Variants in NALF1 observed in about 807,000 individuals in gnomAD.
NALF1 encodes family with sequence similarity 155 member A.
NALF1 carries 3 observed loss-of-function variants against 48.4 expected under a neutral mutation model. The ratio of observed to expected loss-of-function variants is 0.06; its 90% CI spans 0.03 to 0.16. The LOEUF (loss-of-function observed/expected upper bound fraction) is 0.16. Among genes scored for constraint, NALF1 ranks in the 10% least tolerant of loss-of-function variants. The pLI, the probability that NALF1 is intolerant of heterozygous loss-of-function variation, is 1.00. For synonymous variants in NALF1, 262 were observed against 245.7 expected (o/e 1.07, Z -0.62); for missense variants, 526 against 571.5 (o/e 0.92, Z 0.81).
chr13:107,250,772 G>C (rs1273463364), intron 1 of NALF1, among the ~76,000 whole-genome samples: 3 of 152,124 alleles, frequency 2.0e-5, no homozygotes, highest in Non-Finnish European at 4.4e-5. Context: ...TGTTGGAGGA[G>C]GGGCCTAGTG....
intron 1 of NALF1, among the ~76,000 whole-genome samples, chr13:107,538,489 C>T (rs1033093940): frequency 3.9e-5 from 6 of 152,112 alleles, no homozygotes. Flanking sequence ...TACCTTTCAA[C>T]AAGCCAAGTA....
In NALF1 at chr13:107,536,901, A is replaced by T. The variant is rs901944876; in HGVS notation, c.916-326146T>A. On this transcript the variant is annotated intron_variant, in intron 1 of 2. Coordinates refer to ENST00000375915, the MANE Select transcript of NALF1 (RefSeq NM_001080396.3). ...ACACCATGGAATACTATGCAGCCAT[A>T]AAAAAAGGATGAGTTCATGTCCTTT... Among the ~76,000 whole-genome samples the T allele has an allele frequency of 3.5e-3, 537 of 152,036 alleles. 3 individuals are homozygous for T. Among genetic ancestry groups the T allele is most frequent in the African/African-American group, 0.012 (516 of 41,442 alleles).
At chr13:107,864,128 A>G (rs1479796240) in intron 1 of NALF1, among the ~76,000 whole-genome samples, 2 of 152,240 alleles carry the variant, frequency 1.3e-5, no homozygotes, top group Non-Finnish European at 2.9e-5. Context: ...GTAGTTATTC[A>G]TTATTAATTT....
intron 1 of NALF1, among the ~76,000 whole-genome samples, chr13:107,427,778 C>A (rs564897854): frequency 6.6e-6 from 1 of 152,130 alleles, no homozygotes; most frequent in Non-Finnish European, 1.5e-5. Context: ...AGTAGCCTAA[C>A]AAGAGTTGTT....
At chr13:107,384,054 G>C (rs564572180) in intron 1 of NALF1, among the ~76,000 whole-genome samples, 1 of 152,186 alleles carries the variant, frequency 6.6e-6, no homozygotes, top group East Asian at 1.9e-4. Flanking sequence ...TTCAAGATCA[G>C]CCTGGACAAC....
chr13:107,399,134 G>C lies in NALF1; in HGVS notation c.916-188379C>G, dbSNP rs575911051. ...TAGAAGCTGCAGACTCGGGGAGATG[G>C]CAGACATGAGAGACCAGCATAAAAA... is the stretch of plus-strand genomic sequence containing the variant. On this transcript the variant is annotated intron_variant, in intron 1 of 2. Transcript: ENST00000375915. Among the ~76,000 whole-genome samples, 3 of 152,224 alleles carry C rather than the reference G, an allele frequency of 2.0e-5. No homozygotes were observed. In the East Asian group the frequency reaches 5.8e-4, roughly 29 times the overall value.
intron 1 of NALF1, among the ~76,000 whole-genome samples, chr13:107,450,868 T>A (rs1475622693): frequency 6.6e-6 from 1 of 152,224 alleles, no homozygotes; most frequent in Non-Finnish European, 1.5e-5. Context: ...AATATAGGCT[T>A]TGAATTGGCT....
chr13:107,557,999 G>A (rs1877530717), intron 1 of NALF1, among the ~76,000 whole-genome samples: 1 of 152,184 alleles, frequency 6.6e-6, no homozygotes, highest in Non-Finnish European at 1.5e-5. Context: ...ATACTGGAAA[G>A]GTGTCGGCAT....
Position 107,303,431 on chromosome 13 carries a change from A to C in NALF1, c.916-92676T>G, listed in dbSNP as rs146781561. Reference sequence around the variant, plus strand: ...TCAGCCTAAATTGTATAGGTTAATAAATAAAAACATCAGAATATTTGTGCC... The same window carrying C: ...TCAGCCTAAATTGTATAGGTTAATACATAAAAACATCAGAATATTTGTGCC... On this transcript the variant is annotated intron_variant, in intron 1 of 2. Coordinates refer to ENST00000375915, the MANE Select transcript of NALF1 (RefSeq NM_001080396.3). Among the ~76,000 whole-genome samples, 194 of 152,348 alleles carry C rather than the reference A, an allele frequency of 1.3e-3. 1 individual carries two copies. Among genetic ancestry groups the C allele is most frequent in the African/African-American group, 4.3e-3 (180 of 41,582 alleles).
At chr13:107,534,434 A>G (rs927024841) in intron 1 of NALF1, among the ~76,000 whole-genome samples, 2 of 152,184 alleles carry the variant, frequency 1.3e-5, no homozygotes, top group African/African-American at 4.8e-5. Flanking sequence ...TAAGGACAAA[A>G]GTTAATATGA....
intron 1 of NALF1, among the ~76,000 whole-genome samples, chr13:107,516,741 A>C (rs539180343): frequency 4.6e-5 from 7 of 152,180 alleles, no homozygotes; most frequent in Non-Finnish European, 1.0e-4. Context: ...CACTACAGGG[A>C]AACTCTGAAG....
chr13:107,846,414 T>C (rs1880173011), intron 1 of NALF1, among the ~76,000 whole-genome samples: 1 of 152,162 alleles, frequency 6.6e-6, no homozygotes, highest in African/African-American at 2.4e-5. Context: ...TGGGGAATGT[T>C]CATTAGTCAG....
intron 1 of NALF1, among the ~76,000 whole-genome samples, chr13:107,315,071 T>G (rs1051674686): frequency 2.0e-5 from 3 of 152,098 alleles, no homozygotes; most frequent in African/African-American, 7.2e-5. Flanking sequence ...AGCCCTCACT[T>G]TAAATTAAAT....
At chr13:107,835,134 G>A (rs537868289) in intron 1 of NALF1, among the ~76,000 whole-genome samples, 10 of 152,228 alleles carry the variant, frequency 6.6e-5, no homozygotes, top group African/African-American at 1.2e-4. Context: ...GATGTAGCAC[G>A]ATATTTATTT....
Position 107,595,106 on chromosome 13 carries a change from A to G in NALF1, c.915+270576T>C, listed in dbSNP as rs138129672. Among the ~76,000 whole-genome samples, 380 of 152,240 alleles carry G rather than the reference A, an allele frequency of 2.5e-3. 3 individuals carry two copies. The highest frequency in any genetic ancestry group is 8.3e-3 in the African/African-American group (344 of 41,572). Reference sequence around the variant, plus strand: ...CGTTCAAGGAACATGAACAGACAAGACAGCGACCACGGTCCCAGAGAGGTT... The same window carrying G: ...CGTTCAAGGAACATGAACAGACAAGGCAGCGACCACGGTCCCAGAGAGGTT... On this transcript the variant is annotated intron_variant, in intron 1 of 2. Coordinates refer to ENST00000375915, the MANE Select transcript of NALF1 (RefSeq NM_001080396.3).
chr13:107,429,425 C>T (rs566330464), intron 1 of NALF1, among the ~76,000 whole-genome samples: 3 of 151,432 alleles, frequency 2.0e-5, no homozygotes, highest in East Asian at 2.0e-4. Context: ...AAGCACCAAT[C>T]GCTAAAATAA....
intron 1 of NALF1, among the ~76,000 whole-genome samples, chr13:107,445,975 TG>T (rs1884643324): frequency 6.6e-6 from 1 of 152,174 alleles, no homozygotes; most frequent in Admixed American, 6.5e-5. Context: ...AATCTCGCTT[TG>T]TCGTCAGGCT....
At chr13:107,792,807 T>TTTTG (rs143475544) in intron 1 of NALF1, among the ~76,000 whole-genome samples, 14 of 151,892 alleles carry the variant, frequency 9.2e-5, no homozygotes, top group African/African-American at 2.2e-4. Context: ...TTTTTAATCA[T>TTTTG]TTTGTTTGTT....
chr13:107,422,259 C>T (rs891117643), intron 1 of NALF1, among the ~76,000 whole-genome samples: 5 of 152,226 alleles, frequency 3.3e-5, no homozygotes, highest in East Asian at 3.9e-4. Context: ...AAGATTGATA[C>T]AAAAATATGC....
Sources: gnomAD v4.1 joint callset for allele counts (sites outside exome capture counted in the v4.1 genomes callset) on GRCh38, gnomAD v4.1.1 for gene constraint, MANE v1.5 for transcripts, NCBI Gene and HGNC (gene_info 2026-07-23, HGNC 2026-07-21) for gene names.